The following RIMBP2 variants were observed in gnomAD, a reference collection of about 807,000 sequenced individuals.
The protein encoded by RIMBP2 is RIMS-binding protein 2.
RIMBP2 carries 48 observed loss-of-function variants against 118.6 expected under a neutral mutation model. The observed-to-expected ratio is 0.40, with a 90% CI of 0.32 to 0.51. The LOEUF (loss-of-function observed/expected upper bound fraction) is 0.51. RIMBP2 is among the 20% of genes least tolerant of loss of function. The pLI is 0.41. For missense variants in RIMBP2, 1,551 were observed against 1,768.3 expected, an observed-to-expected ratio of 0.88 and a Z score of 2.20; for synonymous variants, 762 against 742.9, an observed-to-expected ratio of 1.03 and a Z score of -0.42.
chr12:130,531,876 C>T (rs79219082), intron 2 of RIMBP2, among the ~76,000 whole-genome samples: 9,885 of 150,122 alleles, frequency 0.066, 500 homozygotes, highest in East Asian at 0.22. Context: ...CTAGGAGTTA[C>T]GTCTAATGAG....
intron 19 of RIMBP2, among the ~76,000 whole-genome samples, chr12:130,410,965 A>G (rs2075664680): frequency 6.6e-6 from 1 of 152,172 alleles, no homozygotes; most frequent in Non-Finnish European, 1.5e-5. Context: ...ACATACCAAT[A>G]TTAAGTCCAT....
At position 130,447,580 on chromosome 12, in the gene RIMBP2, G is replaced by C. The variant is rs2078640330; in HGVS notation, c.582-2311C>G. On this transcript the variant is annotated intron_variant, in intron 9 of 22. Coordinates refer to ENST00000690449, the MANE Select transcript of RIMBP2 (RefSeq NM_001393629.1). The surrounding 1 kb of genome is among the most constrained non-coding windows in gnomAD (Gnocchi z 4.4). ...TCACTGATGGGAATGGGTTCTTGAG[G>C]GGCGATGGGAGACCCCCACATGTGG... is the stretch of plus-strand genomic sequence containing the variant. Among the ~76,000 whole-genome samples, 1 of 152,132 alleles carries C rather than the reference G, an allele frequency of 6.6e-6. No individual in the cohort carries two copies. Among genetic ancestry groups the C allele is most frequent in the South Asian group, 2.1e-4 (1 of 4,822 alleles).
chr12:130,686,783 C>T (rs1477686810), intron 1 of RIMBP2, among the ~76,000 whole-genome samples: 3 of 152,178 alleles, frequency 2.0e-5, no homozygotes, highest in South Asian at 2.1e-4. Flanking sequence ...CACCAGATGG[C>T]TGCAGGGCCG....
intron 4 of RIMBP2, among the ~76,000 whole-genome samples, chr12:130,482,241 C>G (rs532475918): frequency 1.5e-4 from 23 of 152,322 alleles, no homozygotes; most frequent in African/African-American, 5.3e-4. Flanking sequence ...GCTTCCAGCT[C>G]CAGAGAGGAC....
chr12:130,702,330 A>G (rs776090179), intron 1 of RIMBP2, among the ~76,000 whole-genome samples: 12 of 152,120 alleles, frequency 7.9e-5, no homozygotes, highest in Non-Finnish European at 1.5e-4. Context: ...CAGCCCGATC[A>G]ATATGGAGAA....
At chr12:130,449,849 G>A (rs1208147721) in intron 9 of RIMBP2, among the ~76,000 whole-genome samples, 1 of 152,018 alleles carries the variant, frequency 6.6e-6, no homozygotes, top group Non-Finnish European at 1.5e-5. Flanking sequence ...AGGGCCGCCT[G>A]GTCTCCCGGC....
chr12:130,600,451 C>G (rs1479653374), intron 2 of RIMBP2, among the ~76,000 whole-genome samples: 1 of 151,700 alleles, frequency 6.6e-6, no homozygotes, highest in Non-Finnish European at 1.5e-5. Context: ...TCGGCCCCAA[C>G]AGAACCTCCC....
intron 2 of RIMBP2, among the ~76,000 whole-genome samples, chr12:130,565,707 T>C (rs1170645338): frequency 2.0e-5 from 3 of 152,194 alleles, no homozygotes; most frequent in Non-Finnish European, 4.4e-5. Context: ...CAGTAACATG[T>C]TTGGGGTCTT....
At position 130,424,546 on chromosome 12, in the gene RIMBP2, A is replaced by T; in HGVS notation, c.2725T>A (p.Phe909Ile). Residue 909 changes from phenylalanine to isoleucine, a missense_variant, in exon 16 of 23, where the codon TTC becomes ATC. Around this residue, in one of 5 missense-constraint regions of RIMBP2, gnomAD observed 1,038 missense variants for 1,125.1 expected, o/e 0.92. Coordinates refer to ENST00000690449, the MANE Select transcript of RIMBP2 (RefSeq NM_001393629.1). This position sits in a 1 kb window ranked among gnomAD's most constrained non-coding sequence, Gnocchi z 9.8. ...GGGCTCCGGGTGGCCGAGCGGCTGA[A>T]CCGACAGCCCCTGTCTTCCAGAAGG... The part of the protein sequence containing the change: ...DFLLEDRGCR[F>I]SRSATRSPDS... The T allele has an allele frequency of 8.1e-7, 1 of 1,231,916 alleles. No individual in the cohort carries two copies. 76.3% of individuals were successfully genotyped at this position (1,231,916 alleles called of 1,614,324 possible). A position where few individuals can be genotyped will look rare whatever the true frequency, so the allele number is the denominator to read the frequency against.
At chr12:130,653,987 G>A (rs2063330211) in intron 1 of RIMBP2, among the ~76,000 whole-genome samples, 1 of 152,174 alleles carries the variant, frequency 6.6e-6, no homozygotes, top group Admixed American at 6.5e-5. Context: ...GATGGGAGGG[G>A]CTGCCTAAAA....
chr12:130,550,148 G>A (rs1262513573), intron 2 of RIMBP2, among the ~76,000 whole-genome samples: 2 of 152,174 alleles, frequency 1.3e-5, no homozygotes, highest in Non-Finnish European at 2.9e-5. Flanking sequence ...TGGAACTATG[G>A]GAGGAGAAAG....
chr12:130,632,255 A>T (rs529806123), intron 1 of RIMBP2, among the ~76,000 whole-genome samples: 1 of 152,224 alleles, frequency 6.6e-6, no homozygotes, highest in Non-Finnish European at 1.5e-5. Flanking sequence ...TTTAGTGCAA[A>T]CCCCCAAATC....
chr12:130,403,497 A>T (rs1360985522), intron 21 of RIMBP2, among the ~76,000 whole-genome samples: 1 of 152,238 alleles, frequency 6.6e-6, no homozygotes, highest in East Asian at 1.9e-4. Context: ...TCTAAATGAA[A>T]AGTACATTCC....
intron 4 of RIMBP2, among the ~76,000 whole-genome samples, chr12:130,495,426 TG>T (rs1245203229): frequency 1.7e-5 from 2 of 114,974 alleles, no homozygotes; most frequent in Admixed American, 1.0e-4. Flanking sequence ...GGGCCTCAGC[TG>T]AAGTGTCACC....
At chr12:130,568,142 C>T (rs893323435) in intron 2 of RIMBP2, among the ~76,000 whole-genome samples, 2 of 152,198 alleles carry the variant, frequency 1.3e-5, no homozygotes, top group Non-Finnish European at 2.9e-5. Flanking sequence ...CGGCCTTTGG[C>T]AGTCTTAAGG....
intron 21 of RIMBP2, among the ~76,000 whole-genome samples, chr12:130,400,762 G>C (rs1465273563): frequency 6.6e-6 from 1 of 152,116 alleles, no homozygotes; most frequent in Non-Finnish European, 1.5e-5. Context: ...AACATATAAA[G>C]AACATCAAAA....
At chr12:130,686,494 C>T (rs776750578) in intron 1 of RIMBP2, among the ~76,000 whole-genome samples, 27 of 152,338 alleles carry the variant, frequency 1.8e-4, no homozygotes, top group Non-Finnish European at 2.9e-4. Context: ...ACCGGAGTCA[C>T]GTTGTGCTGC....
At chr12:130,671,794 G>A (rs1031912240) in intron 1 of RIMBP2, among the ~76,000 whole-genome samples, 6 of 148,248 alleles carry the variant, frequency 4.0e-5, no homozygotes, top group Admixed American at 1.4e-4. Context: ...GTTGAGAACC[G>A]CTGGTTTAAT....
chr12:130,448,377 C>T (rs2078716586), intron 9 of RIMBP2, among the ~76,000 whole-genome samples: 1 of 152,220 alleles, frequency 6.6e-6, no homozygotes, highest in African/African-American at 2.4e-5. Context: ...CAGTGGCCCT[C>T]TGAGGTTGGC....
Sources: gnomAD v4.1 joint callset for allele counts (sites outside exome capture counted in the v4.1 genomes callset) on GRCh38, gnomAD v4.1.1 for gene constraint, gnomAD v4.1.1 regional missense constraint, Gnocchi (gnomAD v3.1) non-coding constraint, MANE v1.5 for transcripts, NCBI Gene and HGNC (gene_info 2026-07-23, HGNC 2026-07-21) for gene names.